FAM177A1: variants seen among roughly 807,000 people sequenced by gnomAD.
FAM177A1 encodes family with sequence similarity 177 member A1, also known as protein FAM177A1.
In FAM177A1, 22 loss-of-function variants were observed where a neutral mutation model predicts 26.1. The observed-to-expected ratio is 0.84, with a 90% CI of 0.60 to 1.20. FAM177A1 has a LOEUF of 1.20. Among genes scored for constraint, FAM177A1 ranks in the 50% most tolerant of loss-of-function variants. The probability of loss-of-function intolerance (pLI) is 0.00; values close to 1 mark genes in which losing one functional copy is unlikely to be tolerated. For synonymous variants in FAM177A1, 95 were observed against 99.3 expected, an observed-to-expected ratio of 0.96 and a Z score of 0.26; for missense variants, 296 against 291.1, an observed-to-expected ratio of 1.02 and a Z score of -0.12.
Position 35,081,188 on chromosome 14 carries a change from T to C in FAM177A1, c.671T>C (p.Ile224Thr). ...GAAATGGAGGGAGACAGTGAAGTAA[T>C]TATGGAAAGCAAGCAAAATCCAGTC... ...NFEMEGDSEV[I>T]MESKQNPVSV... The change falls in exon 5 of 5, where the codon ATT (isoleucine) becomes ACT (threonine). Residue 224 changes from isoleucine to threonine, a missense_variant. Transcript: ENST00000280987. The C allele has an allele frequency of 6.2e-7, 1 of 1,613,498 alleles. No individual in the cohort carries two copies. The highest frequency in any genetic ancestry group is 8.5e-7 in the Non-Finnish European group (1 of 1,179,848).
chr14:35,053,124 C>G lies in FAM177A1; in HGVS notation c.166-154C>G, dbSNP rs114897588. The G allele has an allele frequency of 2.1e-3, 1,328 of 646,260 alleles. 21 individuals are homozygous for G. The African/African-American group carries it at 0.023, about 11-fold the overall frequency. 40.0% of individuals were successfully genotyped at this position (646,260 alleles called of 1,614,324 possible). A position where few individuals can be genotyped will look rare whatever the true frequency, so the allele number is the denominator to read the frequency against. The stretch of plus-strand genomic sequence containing the variant: ...CATAGTCTTGACACTGTACTCCAGC[C>G]TGAGCAATAGAGTGAGACCATGTCT... On this transcript the variant is annotated intron_variant, in intron 1 of 4. Coordinates refer to ENST00000280987, the MANE Select transcript of FAM177A1 (RefSeq NM_173607.5).
At chr14:35,071,932 T>A (rs2045327480) in intron 2 of FAM177A1, among the ~76,000 whole-genome samples, 1 of 152,184 alleles carries the variant, frequency 6.6e-6, no homozygotes, top group East Asian at 1.9e-4. Context: ...CACATATTTC[T>A]TATGTTATAT....
intron 2 of FAM177A1, among the ~76,000 whole-genome samples, chr14:35,058,170 T>C (rs145894631): frequency 3.9e-5 from 6 of 152,168 alleles, no homozygotes; most frequent in Admixed American, 3.3e-4. Context: ...GCCTCCCAGG[T>C]TCAAGTGATT....
intron 2 of FAM177A1, 106 bp downstream of exon 2, chr14:35,053,557 A>G (rs1466082548): frequency 1.1e-6 from 1 of 927,062 alleles, no homozygotes; most frequent in Non-Finnish European, 1.7e-6. Flanking sequence ...AATCAACTAT[A>G]TTCTTATTAT....
intron 2 of FAM177A1, among the ~76,000 whole-genome samples, chr14:35,066,406 C>CTTTT (rs530069165): frequency 7.9e-6 from 1 of 126,060 alleles, no homozygotes; most frequent in Non-Finnish European, 1.7e-5. Flanking sequence ...AAAAGAGCAT[C>CTTTT]TTTTTTTTTT....
At chr14:35,080,479 A>G (rs1163417871) in intron 4 of FAM177A1, among the ~76,000 whole-genome samples, 2 of 152,202 alleles carry the variant, frequency 1.3e-5, no homozygotes, top group African/African-American at 4.8e-5. Flanking sequence ...CATCTACGTG[A>G]TGTAGTGCTG....
At chr14:35,048,077 G>GT (rs1050848001) in intron 1 of FAM177A1, among the ~76,000 whole-genome samples, 1 of 152,102 alleles carries the variant, frequency 6.6e-6, no homozygotes, top group Non-Finnish European at 1.5e-5. Context: ...TATGGAATAC[G>GT]TTTTTTCCCT....
chr14:35,060,771 G>A (rs1386288533), intron 2 of FAM177A1, among the ~76,000 whole-genome samples: 1 of 151,982 alleles, frequency 6.6e-6, no homozygotes, highest in Non-Finnish European at 1.5e-5. Context: ...TTGTAGTTTT[G>A]CTTTTTGTGG....
At chr14:35,059,210 C>T (rs1321595774) in intron 2 of FAM177A1, among the ~76,000 whole-genome samples, 1 of 152,110 alleles carries the variant, frequency 6.6e-6, no homozygotes, top group African/African-American at 2.4e-5. Flanking sequence ...TAGGTGTGAG[C>T]CACCACGCCT....
At chr14:35,063,245 T>C (rs2045186893) in intron 2 of FAM177A1, among the ~76,000 whole-genome samples, 1 of 151,962 alleles carries the variant, frequency 6.6e-6, no homozygotes, top group Non-Finnish European at 1.5e-5. Flanking sequence ...TGACTCCAAT[T>C]TTTAAATATC....
Position 35,081,207 on chromosome 14 carries a change from T to C in FAM177A1, c.690T>C (p.Asn230=), listed in dbSNP as rs900165047. The change falls in exon 5 of 5, where the codon AAT becomes AAC. Residue 230 remains asparagine, a synonymous_variant. Transcript: ENST00000280987. ...AAGTAATTATGGAAAGCAAGCAAAA[T>C]CCAGTCTCTGTCCCACCATAAAATG... ...DSEVIMESKQ[N]PVSVPP 3 of 1,612,976 alleles carry C rather than the reference T, an allele frequency of 1.9e-6. No homozygotes were observed. Among genetic ancestry groups the C allele is most frequent in the Non-Finnish European group, 1.7e-6 (2 of 1,179,780 alleles).
At chr14:35,073,016 T>C (rs1013045978) in intron 2 of FAM177A1, among the ~76,000 whole-genome samples, 1 of 152,220 alleles carries the variant, frequency 6.6e-6, no homozygotes, top group African/African-American at 2.4e-5. Context: ...GCATCTTCAG[T>C]GGTGTAATCC....
chr14:35,075,170 ATC>A (rs1407550584), intron 2 of FAM177A1, among the ~76,000 whole-genome samples: 1 of 152,228 alleles, frequency 6.6e-6, no homozygotes, highest in African/African-American at 2.4e-5. Flanking sequence ...GGCAGATAAC[ATC>A]TGTTTGGCAA....
intron 3 of FAM177A1, among the ~76,000 whole-genome samples, 168 bp from the exon 4 acceptor site, chr14:35,078,759 T>A (rs992802592): frequency 3.3e-5 from 5 of 152,232 alleles, no homozygotes; most frequent in African/African-American, 1.2e-4. Flanking sequence ...CACCGGTACT[T>A]CTTGAAGAAA....
intron 1 of FAM177A1, among the ~76,000 whole-genome samples, chr14:35,051,870 C>G (rs973907050): frequency 1.3e-5 from 2 of 152,190 alleles, no homozygotes; most frequent in Admixed American, 6.5e-5. Flanking sequence ...CTTATACTTG[C>G]ATAACTGGGC....
At chr14:35,056,195 C>G (rs1231875200) in intron 2 of FAM177A1, among the ~76,000 whole-genome samples, 1 of 151,166 alleles carries the variant, frequency 6.6e-6, no homozygotes, top group Non-Finnish European at 1.5e-5. Flanking sequence ...CCACCACACC[C>G]AGCTAATTTT....
chr14:35,055,654 C>T (rs887732818), intron 2 of FAM177A1, among the ~76,000 whole-genome samples: 1 of 151,884 alleles, frequency 6.6e-6, no homozygotes, highest in Non-Finnish European at 1.5e-5. Context: ...TTAAGCTGGT[C>T]TCGAGCTCCT....
At chr14:35,065,703 T>C (rs2045231199) in intron 2 of FAM177A1, among the ~76,000 whole-genome samples, 1 of 151,016 alleles carries the variant, frequency 6.6e-6, no homozygotes, top group African/African-American at 2.4e-5. Context: ...GCAATTTTTT[T>C]TTTTTTTTTT....
intron 2 of FAM177A1, among the ~76,000 whole-genome samples, chr14:35,067,213 G>A (rs1161571051): frequency 6.6e-6 from 1 of 152,026 alleles, no homozygotes; most frequent in Non-Finnish European, 1.5e-5. Context: ...CCAGCCTCTG[G>A]TAACCACCAT....
Sources: allele counts gnomAD v4.1 joint callset (sites outside exome capture counted in the v4.1 genomes callset), GRCh38; gene constraint gnomAD v4.1.1; transcripts MANE v1.5; gene names NCBI Gene and HGNC (gene_info 2026-07-23, HGNC 2026-07-21).